The following EFCAB11 variants were observed in gnomAD, a reference collection of about 807,000 sequenced individuals.
EFCAB11 encodes EF-hand calcium binding domain 11.
Under a neutral mutation model 23.0 loss-of-function variants are expected in EFCAB11, and 14 were observed. The observed-to-expected ratio is 0.61, with a 90% CI of 0.40 to 0.95. The LOEUF (loss-of-function observed/expected upper bound fraction) is 0.95, where lower values mean the gene tolerates loss of function less well. EFCAB11 is among the 40% of genes least tolerant of loss of function. The probability of loss-of-function intolerance (pLI) is 0.00; values close to 1 mark genes in which losing one functional copy is unlikely to be tolerated. For synonymous variants in EFCAB11, 65 were observed against 66.6 expected (o/e 0.98, Z 0.11); for missense variants, 198 against 195.8 (o/e 1.01, Z -0.07).
chr14:89,931,845 C>A (rs1332290017), intron 4 of EFCAB11, among the ~76,000 whole-genome samples: 1 of 152,198 alleles, frequency 6.6e-6, no homozygotes, highest in Admixed American at 6.5e-5. Context: ...CCCGGCTGAT[C>A]TTGAAGGTCA....
intron 5 of EFCAB11, among the ~76,000 whole-genome samples, chr14:89,880,560 C>T (rs574569957): frequency 1.3e-5 from 2 of 152,118 alleles, no homozygotes; most frequent in African/African-American, 4.8e-5. Flanking sequence ...ACTTCACTTC[C>T]GTTTTTCTTT....
Position 89,865,953 on chromosome 14 carries a change from C to A in EFCAB11, c.410+65588G>T, listed in dbSNP as rs1311967302. Among the ~76,000 whole-genome samples the A allele has an allele frequency of 2.0e-5, 3 of 151,898 alleles. No homozygotes were observed. The East Asian group carries it at 5.8e-4, about 30-fold the overall frequency. ...AAAGTGTTGGGATTACAGGTGTGAG[C>A]CACAATGCCTGGCCTGAGATAGGGT... On this transcript the variant is annotated intron_variant, in intron 5 of 5. Transcript: ENST00000316738.
At chr14:89,866,117 C>T (rs1888084828) in intron 5 of EFCAB11, among the ~76,000 whole-genome samples, 1 of 152,098 alleles carries the variant, frequency 6.6e-6, no homozygotes. Flanking sequence ...GCAATTTTGT[C>T]TGATCCTGCT....
At chr14:89,844,059 G>A (rs1887353979) in intron 5 of EFCAB11, among the ~76,000 whole-genome samples, 1 of 152,130 alleles carries the variant, frequency 6.6e-6, no homozygotes, top group African/African-American at 2.4e-5. Flanking sequence ...TAGTTTGTCT[G>A]TCAGTCACTC....
chr14:89,873,894 G>C (rs553430212), intron 5 of EFCAB11, among the ~76,000 whole-genome samples: 1 of 152,118 alleles, frequency 6.6e-6, no homozygotes, highest in South Asian at 2.1e-4. Flanking sequence ...CCAGGTACAC[G>C]ATCCAAGCTG....
At chr14:89,827,249 G>A (rs1886723044) in intron 5 of EFCAB11, among the ~76,000 whole-genome samples, 1 of 152,182 alleles carries the variant, frequency 6.6e-6, no homozygotes, top group Non-Finnish European at 1.5e-5. Flanking sequence ...GTCCTGTGGA[G>A]CTGGAACCCA....
intron 2 of EFCAB11, among the ~76,000 whole-genome samples, chr14:89,951,400 CA>C (rs1891160739): frequency 6.6e-6 from 1 of 152,100 alleles, no homozygotes; most frequent in Non-Finnish European, 1.5e-5. Context: ...TCTAAATGAC[CA>C]CCCAGACTGT....
chr14:89,856,280 C>G (rs1887750147), intron 5 of EFCAB11, among the ~76,000 whole-genome samples: 1 of 151,722 alleles, frequency 6.6e-6, no homozygotes, highest in Non-Finnish European at 1.5e-5. Context: ...CCTCTGCCTC[C>G]CAGGTTTGGG....
intron 5 of EFCAB11, among the ~76,000 whole-genome samples, chr14:89,898,666 C>CTTTTTTTTTTT (rs36098790): frequency 8.3e-6 from 1 of 121,058 alleles, no homozygotes; most frequent in African/African-American, 3.2e-5. Context: ...CGCCTGGCCT[C>CTTTTTTTTTTT]TTTTTTTTTT....
chr14:89,827,931 C>G lies in EFCAB11; in HGVS notation c.411-30607G>C, dbSNP rs571637027. On this transcript the variant is annotated intron_variant, in intron 5 of 5. Coordinates refer to ENST00000316738, the MANE Select transcript of EFCAB11 (RefSeq NM_145231.4). ...TACAGGTGTGAGCCACCATGCCTGG[C>G]CTTTTATTCACTCTTGACATGCATC... is the stretch of plus-strand genomic sequence containing the variant. Among the ~76,000 whole-genome samples, 5 of 152,256 alleles carry G rather than the reference C, an allele frequency of 3.3e-5. No individual in the cohort carries two copies. In the South Asian group the frequency reaches 1.0e-3, roughly 32 times the overall value.
intron 5 of EFCAB11, among the ~76,000 whole-genome samples, chr14:89,834,338 T>A (rs924748915): frequency 5.1e-5 from 6 of 117,100 alleles, no homozygotes; most frequent in African/African-American, 2.0e-4. Flanking sequence ...ATCGCACCAC[T>A]GCACTCCAGC....
At chr14:89,809,733 G>A (rs189961410) in intron 5 of EFCAB11, among the ~76,000 whole-genome samples, 7 of 152,238 alleles carry the variant, frequency 4.6e-5, no homozygotes, top group East Asian at 3.9e-4. Flanking sequence ...AGTGGGGGCC[G>A]GGGAACCTCC....
At chr14:89,815,933 G>C (rs1886321724) in intron 5 of EFCAB11, among the ~76,000 whole-genome samples, 1 of 152,086 alleles carries the variant, frequency 6.6e-6, no homozygotes, top group African/African-American at 2.4e-5. Flanking sequence ...AATGTCATTG[G>C]TATTGTGGTA....
At chr14:89,952,332 C>G in intron 2 of EFCAB11, 1 of 918,758 alleles carries the variant, frequency 1.1e-6, no homozygotes, top group Non-Finnish European at 1.3e-6. Flanking sequence ...ATTCCTCATT[C>G]TAAAATTGAA....
At chr14:89,945,853 T>C (rs1295870785) in intron 3 of EFCAB11, among the ~76,000 whole-genome samples, 1 of 152,154 alleles carries the variant, frequency 6.6e-6, no homozygotes, top group Non-Finnish European at 1.5e-5. Flanking sequence ...TTTGTCCATT[T>C]TTCTTTACAG....
intron 5 of EFCAB11, among the ~76,000 whole-genome samples, chr14:89,851,733 T>G (rs1448166669): frequency 6.6e-6 from 1 of 152,214 alleles, no homozygotes. Flanking sequence ...AAATGAAATT[T>G]AGACGTCCTG....
At chr14:89,840,621 G>T (rs1370772514) in intron 5 of EFCAB11, among the ~76,000 whole-genome samples, 1 of 152,134 alleles carries the variant, frequency 6.6e-6, no homozygotes, top group Admixed American at 6.5e-5. Flanking sequence ...CCATTCATCT[G>T]CTTTTTTTCA....
intron 1 of EFCAB11, chr14:89,954,297 G>T: frequency 6.7e-7 from 1 of 1,500,704 alleles, no homozygotes; most frequent in Non-Finnish European, 9.0e-7. Context: ...CTGGAGTTAG[G>T]AAGGTGAGGC....
chr14:89,846,412 A>T (rs745965329), intron 5 of EFCAB11, among the ~76,000 whole-genome samples: 1 of 152,218 alleles, frequency 6.6e-6, no homozygotes, highest in Non-Finnish European at 1.5e-5. Context: ...CATTTGGATT[A>T]TTAACAAAGT....
Sources: gnomAD v4.1 joint callset for allele counts (sites outside exome capture counted in the v4.1 genomes callset) on GRCh38, gnomAD v4.1.1 for gene constraint, MANE v1.5 for transcripts, NCBI Gene and HGNC (gene_info 2026-07-23, HGNC 2026-07-21) for gene names.